The following SEC63 variants were observed in gnomAD, a reference collection of about 807,000 sequenced individuals.
The protein encoded by SEC63 is SEC63 protein translocation regulator.
In SEC63, 56 loss-of-function variants were observed where a neutral mutation model predicts 116.2. That is an observed-to-expected ratio of 0.48 (90% CI 0.39 to 0.60). The LOEUF is 0.60. SEC63 is among the 20% of genes least tolerant of loss of function. SEC63 has a pLI of 0.00. For missense variants in SEC63, 668 were observed against 900.0 expected (o/e 0.74, Z 3.30); for synonymous variants, 273 against 294.6 (o/e 0.93, Z 0.75).
intron 16 of SEC63, among the ~76,000 whole-genome samples, chr6:107,887,860 C>T (rs548271974): frequency 6.6e-6 from 1 of 152,262 alleles, no homozygotes; most frequent in African/African-American, 2.4e-5. Context: ...ATCCTTTCCC[C>T]ATTGCTTGTT....
chr6:107,876,403 A>G (rs1322169700), intron 19 of SEC63, among the ~76,000 whole-genome samples, 161 bp downstream of exon 19: 1 of 152,174 alleles, frequency 6.6e-6, no homozygotes, highest in African/African-American at 2.4e-5. Context: ...TAAATTTCCA[A>G]TGAGCTCACC....
Position 107,887,491 on chromosome 6 carries a change from T to C in SEC63, c.1675-4345A>G, listed in dbSNP as rs568305341. Among the ~76,000 whole-genome samples, 647 of 146,472 alleles carry C rather than the reference T, an allele frequency of 4.4e-3. 1 individual carries two copies. The highest frequency in any genetic ancestry group is 0.021 in the Middle Eastern group (6 of 286). On this transcript the variant is annotated intron_variant, in intron 16 of 20. Transcript: ENST00000369002. ...GAAATCATCATTCTCAGTAAACTAT[T>C]GCAAGAACAAAAAACCAAACACCGC...
At chr6:107,947,051 C>G (rs1180779211) in intron 1 of SEC63, among the ~76,000 whole-genome samples, 1 of 151,950 alleles carries the variant, frequency 6.6e-6, no homozygotes, top group Non-Finnish European at 1.5e-5. Context: ...TAAGACATAT[C>G]CCTTTGAATA....
Position 107,902,967 on chromosome 6 carries a change from G to T in SEC63, c.1086C>A (p.Ser362=). Residue 362 remains serine (S), a synonymous_variant, in exon 12 of 21, where the codon TCC becomes TCA. Transcript: ENST00000369002. The part of the protein sequence containing the change: ...EREFRAPTLA[S]LENCMKLSQM... ...GAGAAAGCTTCATGCAGTTTTCTAG[G>T]GATGCCAAAGTTGGAGCACGAAACT... 1 of 1,613,928 alleles carries T rather than the reference G, an allele frequency of 6.2e-7. No individual in the cohort carries two copies. The highest frequency in any genetic ancestry group is 8.5e-7 in the Non-Finnish European group (1 of 1,179,964).
chr6:107,921,494 G>C (rs991573912), intron 4 of SEC63, among the ~76,000 whole-genome samples: 2 of 149,228 alleles, frequency 1.3e-5, no homozygotes, highest in Admixed American at 6.7e-5. Flanking sequence ...TACTGTCATC[G>C]AAGTTGGGCT....
chr6:107,889,551 T>C lies in SEC63; in HGVS notation c.1674+3931A>G, dbSNP rs149737505. Among the ~76,000 whole-genome samples the C allele has an allele frequency of 4.5e-3, 689 of 152,248 alleles. 4 individuals carry two copies. The highest frequency in any genetic ancestry group is 0.014 in the African/African-American group (601 of 41,550). The stretch of plus-strand genomic sequence containing the variant: ...TCAAAAAACTAGCTCCTTGGATTCA[T>C]TGATTTTTTTTTAAGTGTTTTTTGT... On this transcript the variant is annotated intron_variant, in intron 16 of 20. Coordinates refer to ENST00000369002, the MANE Select transcript of SEC63 (RefSeq NM_007214.5).
chr6:107,913,359 AC>A lies in SEC63; in HGVS notation c.514+6del. On this transcript the variant is annotated splice_donor_region_variant and intron_variant, in intron 5 of 20. Coordinates refer to ENST00000369002, the MANE Select transcript of SEC63 (RefSeq NM_007214.5). ...CGCCAATATTTTAAAATCATCATTT[AC>A]CACACCTTGAGGCCCATCTGGATTT... is the stretch of plus-strand genomic sequence containing the variant. 1 of 1,562,964 alleles carries A rather than the reference AC, an allele frequency of 6.4e-7. No homozygotes were observed.
intron 13 of SEC63, among the ~76,000 whole-genome samples, 178 bp from the exon 14 acceptor site, chr6:107,897,909 T>A (rs1172905942): frequency 6.6e-6 from 1 of 152,222 alleles, no homozygotes; most frequent in Non-Finnish European, 1.5e-5. Flanking sequence ...CTCCAGTAGA[T>A]GCTTTTAACA....
At chr6:107,945,857 G>A (rs1016351659) in intron 1 of SEC63, among the ~76,000 whole-genome samples, 1 of 152,144 alleles carries the variant, frequency 6.6e-6, no homozygotes, top group Non-Finnish European at 1.5e-5. Flanking sequence ...AGATCAAGCA[G>A]ATATGCAACA....
intron 1 of SEC63, among the ~76,000 whole-genome samples, chr6:107,944,002 G>A (rs1199894072): frequency 6.6e-6 from 1 of 152,202 alleles, no homozygotes; most frequent in Non-Finnish European, 1.5e-5. Context: ...GGAAGCTAAT[G>A]ATAATCTAGG....
chr6:107,900,586 C>T (rs748878668), intron 13 of SEC63, among the ~76,000 whole-genome samples: 11 of 151,948 alleles, frequency 7.2e-5, no homozygotes, highest in Admixed American at 2.6e-4. Context: ...AGGCAGAGGA[C>T]GCAGTGAGCC....
At chr6:107,924,783 T>TA in intron 3 of SEC63, 35 bp downstream of exon 3, 4 of 974,736 alleles carry the variant, frequency 4.1e-6, no homozygotes, top group Non-Finnish European at 6.7e-6. Flanking sequence ...ATGGGACCAT[T>TA]AAACTAATAT....
intron 3 of SEC63, among the ~76,000 whole-genome samples, chr6:107,923,395 C>T (rs186734694): frequency 7.9e-5 from 12 of 152,194 alleles, no homozygotes; most frequent in Non-Finnish European, 1.2e-4. Context: ...ATTATAGGCA[C>T]GAGCCACTGC....
chr6:107,919,587 C>T (rs538726603), intron 4 of SEC63, among the ~76,000 whole-genome samples: 4 of 152,164 alleles, frequency 2.6e-5, no homozygotes, highest in Admixed American at 6.5e-5. Flanking sequence ...CTTTGGGAGG[C>T]CAAGGCAGGC....
intron 14 of SEC63, 30 bp downstream of exon 14, chr6:107,897,614 CTCTTA>C: frequency 8.9e-6 from 12 of 1,341,406 alleles, no homozygotes; most frequent in Non-Finnish European, 1.3e-5. Context: ...TGACACACAA[CTCTTA>C]AAGCATAAAA....
intron 13 of SEC63, among the ~76,000 whole-genome samples, 168 bp downstream of exon 13, chr6:107,901,202 T>C (rs1309752130): frequency 6.6e-6 from 1 of 152,188 alleles, no homozygotes; most frequent in Non-Finnish European, 1.5e-5. Context: ...AACTATTAGG[T>C]ATAAATCATT....
At chr6:107,936,793 T>C (rs1322681984) in intron 1 of SEC63, among the ~76,000 whole-genome samples, 2 of 152,202 alleles carry the variant, frequency 1.3e-5, no homozygotes, top group African/African-American at 4.8e-5. Flanking sequence ...ACCATAATCA[T>C]AGAACCCAAA....
chr6:107,921,137 TTAAA>T (rs1210145724), intron 4 of SEC63, among the ~76,000 whole-genome samples: 1 of 152,056 alleles, frequency 6.6e-6, no homozygotes, highest in Non-Finnish European at 1.5e-5. Flanking sequence ...AAACTTGTCT[TTAAA>T]TAGTTTAAAT....
At chr6:107,947,468 G>A (rs934389943) in intron 1 of SEC63, among the ~76,000 whole-genome samples, 1 of 152,040 alleles carries the variant, frequency 6.6e-6, no homozygotes, top group Non-Finnish European at 1.5e-5. Context: ...AGCTACTCGG[G>A]AGGCTGAGGC....
Sources: allele counts gnomAD v4.1 joint callset (sites outside exome capture counted in the v4.1 genomes callset), GRCh38; gene constraint gnomAD v4.1.1; transcripts MANE v1.5; gene names NCBI Gene and HGNC (gene_info 2026-07-23, HGNC 2026-07-21).